Variants in CEP112 observed in about 807,000 individuals in gnomAD.
CEP112 encodes centrosomal protein 112, also known as centrosomal protein of 112 kDa.
A neutral mutation model predicts 153.0 loss-of-function variants in CEP112; 127 were observed. The ratio of observed to expected loss-of-function variants is 0.83; its 90% CI spans 0.72 to 0.96. CEP112 has a LOEUF of 0.96. CEP112 is among the 40% of genes least tolerant of loss of function. The probability of loss-of-function intolerance (pLI) is 0.00; values close to 1 mark genes in which losing one functional copy is unlikely to be tolerated. For synonymous variants in CEP112, 358 were observed against 374.4 expected (o/e 0.96, Z 0.51); for missense variants, 1,089 against 1,101.2 (o/e 0.99, Z 0.16).
chr17:65,901,264 A>G (rs2059835867), intron 20 of CEP112, among the ~76,000 whole-genome samples: 1 of 152,198 alleles, frequency 6.6e-6, no homozygotes, highest in Non-Finnish European at 1.5e-5. Context: ...CAATGGGAAA[A>G]GGGGTATTTA....
At chr17:65,732,402 G>GGA (rs2050563028) in intron 23 of CEP112, among the ~76,000 whole-genome samples, 1 of 152,206 alleles carries the variant, frequency 6.6e-6, no homozygotes, top group East Asian at 1.9e-4. Context: ...AGCACAGGCA[G>GGA]ATTAGATTTA....
chr17:66,074,572 A>G (rs1463913250), intron 8 of CEP112, among the ~76,000 whole-genome samples: 1 of 152,166 alleles, frequency 6.6e-6, no homozygotes, highest in African/African-American at 2.4e-5. Flanking sequence ...AAAAACAAAA[A>G]GAAAAATCTT....
At chr17:66,083,360 T>G (rs1254795195) in intron 8 of CEP112, among the ~76,000 whole-genome samples, 1 of 152,182 alleles carries the variant, frequency 6.6e-6, no homozygotes, top group Non-Finnish European at 1.5e-5. Flanking sequence ...TGTGAGTCCA[T>G]TAAACCTCTT....
intron 21 of CEP112, among the ~76,000 whole-genome samples, chr17:65,782,789 C>T (rs187596736): frequency 1.3e-5 from 2 of 151,796 alleles, no homozygotes; most frequent in East Asian, 1.9e-4. Context: ...ATAAAGATGG[C>T]AACAATAGAC....
chr17:66,082,987 A>T (rs2067781144), intron 8 of CEP112, among the ~76,000 whole-genome samples: 1 of 152,156 alleles, frequency 6.6e-6, no homozygotes. Context: ...TATTTTATTA[A>T]ATAGCTCCAT....
chr17:66,060,601 A>G (rs1292597063), intron 11 of CEP112, among the ~76,000 whole-genome samples: 1 of 152,140 alleles, frequency 6.6e-6, no homozygotes, highest in Non-Finnish European at 1.5e-5. Flanking sequence ...AAAAAAATCC[A>G]CACATTTACA....
intron 4 of CEP112, among the ~76,000 whole-genome samples, chr17:66,141,970 T>C (rs6504399): frequency 0.24 from 37,086 of 152,068 alleles, 4,715 homozygotes; most frequent in Middle Eastern, 0.36. Flanking sequence ...TTTTCCATAA[T>C]GGCTATATCA....
chr17:66,044,791 C>T (rs964327095), intron 12 of CEP112, among the ~76,000 whole-genome samples: 21 of 151,992 alleles, frequency 1.4e-4, no homozygotes, highest in Non-Finnish European at 3.1e-4. Context: ...AGTTGCACTA[C>T]AGTGTAAATG....
intron 17 of CEP112, among the ~76,000 whole-genome samples, chr17:65,982,918 A>G (rs1431766535): frequency 1.3e-5 from 2 of 152,242 alleles, no homozygotes; most frequent in Non-Finnish European, 1.5e-5. Context: ...TGCACTGTAG[A>G]TGAACCTAGA....
intron 21 of CEP112, among the ~76,000 whole-genome samples, chr17:65,751,536 G>A (rs913080293): frequency 2.6e-5 from 4 of 152,082 alleles, no homozygotes; most frequent in Non-Finnish European, 5.9e-5. Context: ...GGAAAGGCTG[G>A]TCATTACTCT....
At chr17:65,934,989 T>A (rs2061257538) in intron 18 of CEP112, among the ~76,000 whole-genome samples, 1 of 152,186 alleles carries the variant, frequency 6.6e-6, no homozygotes, top group Non-Finnish European at 1.5e-5. Flanking sequence ...TCAGCTCTCA[T>A]GAGACTCACC....
chr17:65,660,700 A>G (rs2046346502), intron 24 of CEP112, among the ~76,000 whole-genome samples: 1 of 128,908 alleles, frequency 7.8e-6, no homozygotes, highest in South Asian at 2.5e-4. Flanking sequence ...GTGTACCACC[A>G]TGCCTTGCTA....
At chr17:65,986,872 C>T (rs947506578) in intron 17 of CEP112, among the ~76,000 whole-genome samples, 6 of 152,072 alleles carry the variant, frequency 3.9e-5, no homozygotes, top group African/African-American at 1.2e-4. Flanking sequence ...AGACACAAGA[C>T]AATCCATACC....
intron 21 of CEP112, among the ~76,000 whole-genome samples, chr17:65,823,484 T>C (rs1582388): frequency 1 from 151,592 of 152,302 alleles, 75,445 homozygotes; most frequent in Non-Finnish European, 1. Context: ...TTAATCCATA[T>C]ATTGCACCAT....
chr17:65,916,461 TA>T (rs979702027), intron 19 of CEP112, among the ~76,000 whole-genome samples: 5 of 152,170 alleles, frequency 3.3e-5, no homozygotes, highest in Non-Finnish European at 5.9e-5. Context: ...GAGAAGGCAT[TA>T]GTTCCACTTT....
At chr17:65,759,607 C>T (rs1263660071) in intron 21 of CEP112, among the ~76,000 whole-genome samples, 2 of 151,916 alleles carry the variant, frequency 1.3e-5, no homozygotes, top group Non-Finnish European at 2.9e-5. Flanking sequence ...TGACTGCTGC[C>T]CTGGCTGTGA....
chr17:65,840,506 A>G (rs1476015737), intron 21 of CEP112, among the ~76,000 whole-genome samples: 1 of 152,100 alleles, frequency 6.6e-6, no homozygotes, highest in African/African-American at 2.4e-5. Context: ...AATTGAATCA[A>G]CATGGATTGA....
chr17:66,101,172 CTTTA>C (rs1335949876), intron 6 of CEP112, among the ~76,000 whole-genome samples: 11 of 151,948 alleles, frequency 7.2e-5, no homozygotes, highest in South Asian at 2.1e-4. Flanking sequence ...ACATTTATAA[CTTTA>C]TTTATTTATA....
intron 20 of CEP112, 146 bp downstream of exon 20, chr17:65,902,006 G>GA (rs2059880406): frequency 1.2e-5 from 3 of 243,248 alleles, no homozygotes; most frequent in Admixed American, 1.1e-4. Flanking sequence ...GGGTGGGGGG[G>GA]AGAAAAACAA....
Sources: gnomAD v4.1 joint callset for allele counts (sites outside exome capture counted in the v4.1 genomes callset) on GRCh38, gnomAD v4.1.1 for gene constraint, MANE v1.5 for transcripts, NCBI Gene and HGNC (gene_info 2026-07-23, HGNC 2026-07-21) for gene names.